PXK: variants seen among roughly 807,000 people sequenced by gnomAD.
PXK encodes the protein PX domain containing serine/threonine kinase like.
In PXK, 35 loss-of-function variants were observed where a neutral mutation model predicts 84.7. The ratio of observed to expected loss-of-function variants is 0.41; its 90% CI spans 0.32 to 0.55. PXK has a LOEUF of 0.55. Among genes scored for constraint, PXK ranks in the 20% least tolerant of loss-of-function variants. The pLI is 0.21. For missense variants in PXK, 634 were observed against 699.7 expected, an observed-to-expected ratio of 0.91 and a Z score of 1.06; for synonymous variants, 253 against 260.8, an observed-to-expected ratio of 0.97 and a Z score of 0.29.
intron 1 of PXK, among the ~76,000 whole-genome samples, chr3:58,350,521 G>A (rs1003221065): frequency 6.6e-6 from 1 of 152,202 alleles, no homozygotes; most frequent in Non-Finnish European, 1.5e-5. Flanking sequence ...GCATGTGAAA[G>A]TATTGTGTCC....
intron 17 of PXK, among the ~76,000 whole-genome samples, chr3:58,417,425 T>C (rs1349271822): frequency 6.6e-6 from 1 of 152,226 alleles, no homozygotes; most frequent in Non-Finnish European, 1.5e-5. Flanking sequence ...CTTACCCTTA[T>C]GAGCCCTTTC....
Position 58,383,225 on chromosome 3 carries a change from G to C in PXK, c.388+525G>C, listed in dbSNP as rs2098521176. Among the ~76,000 whole-genome samples the C allele has an allele frequency of 6.6e-6, 1 of 152,178 alleles. No individual in the cohort carries two copies. The highest frequency in any genetic ancestry group is 1.5e-5 in the Non-Finnish European group (1 of 68,046). ...GAGAATCGCTTGAACCCGGGAGGTG[G>C]AGGTTGCAGTGAGCCGAGATAGCAC... On this transcript the variant is annotated intron_variant, in intron 4 of 17. Coordinates refer to ENST00000356151, the MANE Select transcript of PXK (RefSeq NM_017771.5). The surrounding 1 kb of genome is among the most constrained non-coding windows in gnomAD (Gnocchi z 4.0).
At chr3:58,361,330 T>A (rs1279868943) in intron 1 of PXK, among the ~76,000 whole-genome samples, 2 of 145,114 alleles carry the variant, frequency 1.4e-5, no homozygotes, top group Non-Finnish European at 1.5e-5. Context: ...TGCAGAGAGA[T>A]CCCATATACC....
intron 3 of PXK, among the ~76,000 whole-genome samples, chr3:58,369,925 G>A (rs937197185): frequency 1.3e-5 from 2 of 151,554 alleles, no homozygotes; most frequent in African/African-American, 4.8e-5. Flanking sequence ...ACTTTATACA[G>A]ATGATGTAAA....
At position 58,348,147 on chromosome 3, in the gene PXK, C is replaced by T. The variant is rs1290876299; in HGVS notation, c.102+15057C>T. Among the ~76,000 whole-genome samples, 4 of 152,116 alleles carry T rather than the reference C, an allele frequency of 2.6e-5. No homozygotes were observed. The South Asian group carries it at 6.2e-4, about 24-fold the overall frequency. On this transcript the variant is annotated intron_variant, in intron 1 of 17. Coordinates refer to ENST00000356151, the MANE Select transcript of PXK (RefSeq NM_017771.5). ...CTGGTCTTGAACTCTGACCTCAAGT[C>T]ATCCACCTACCTCTGCCTTCCAAAG...
intron 13 of PXK, among the ~76,000 whole-genome samples, 172 bp from the exon 14 acceptor site, chr3:58,408,752 G>C (rs1184322090): frequency 6.6e-6 from 1 of 152,128 alleles, no homozygotes; most frequent in African/African-American, 2.4e-5. Context: ...TCCATCTCCT[G>C]ACCGCGTGAT....
intron 17 of PXK, among the ~76,000 whole-genome samples, chr3:58,420,360 C>T (rs1576862185): frequency 6.6e-6 from 1 of 152,196 alleles, no homozygotes; most frequent in East Asian, 1.9e-4. Flanking sequence ...GGCTCACAAT[C>T]GTGTTTACAA....
Position 58,401,585 on chromosome 3 carries a change from C to T in PXK, c.1181+2208C>T, listed in dbSNP as rs994199134. Among the ~76,000 whole-genome samples the T allele has an allele frequency of 6.6e-6, 1 of 152,076 alleles. No individual in the cohort carries two copies. Among genetic ancestry groups the T allele is most frequent in the South Asian group, 2.1e-4 (1 of 4,822 alleles). ...AGGTTGCAGTGAGCTGTGAACTCAC[C>T]ACTGCACTCCAGCCTAGATGACAGA... On this transcript the variant is annotated intron_variant, in intron 12 of 17. Transcript: ENST00000356151. The surrounding 1 kb of genome is among the most constrained non-coding windows in gnomAD (Gnocchi z 4.4).
intron 1 of PXK, among the ~76,000 whole-genome samples, chr3:58,352,281 G>A (rs1435562908): frequency 6.6e-6 from 1 of 152,206 alleles, no homozygotes; most frequent in Non-Finnish European, 1.5e-5. Flanking sequence ...GCCCAGGAGG[G>A]AGCGCTTCAG....
rs1277224725 is a variant in PXK, at chr3:58,412,839, T to C, written c.1466-62T>C. ...TCTCAGACAGCAGTGGGTCCCAGCC[T>C]GGGCCAAATTCCAAATGTCTTTCGT... On this transcript the variant is annotated intron_variant, in intron 16 of 17. Coordinates refer to ENST00000356151, the MANE Select transcript of PXK (RefSeq NM_017771.5). The surrounding 1 kb of genome is among the most constrained non-coding windows in gnomAD (Gnocchi z 6.2). The C allele has an allele frequency of 3.8e-6, 6 of 1,563,998 alleles. No homozygotes were observed. In the African/African-American group the frequency reaches 8.1e-5, roughly 21 times the overall value.
rs2062762412 is a variant in PXK at position 58,425,995 on chromosome 3, T to A, written c.*1035T>A. ...TTCATGTAATCTGTTATGTCAGCTG[T>A]ATTTTTTATTAAAATCATGTCAAGA... On this transcript the variant is annotated 3_prime_UTR_variant, in exon 18 of 18. Transcript: ENST00000356151. The A allele has an allele frequency of 6.6e-6, 1 of 152,250 alleles. No homozygotes were observed. 9.4% of individuals were successfully genotyped at this position (152,250 alleles called of 1,614,324 possible). A position where few individuals can be genotyped will look rare whatever the true frequency, so the allele number is the denominator to read the frequency against.
At chr3:58,363,556 A>G (rs2098223994) in intron 1 of PXK, among the ~76,000 whole-genome samples, 1 of 152,148 alleles carries the variant, frequency 6.6e-6, no homozygotes, top group Non-Finnish European at 1.5e-5. Context: ...TCCTGGACTC[A>G]AGCAGTCATC....
intron 1 of PXK, among the ~76,000 whole-genome samples, chr3:58,357,278 C>T (rs988825387): frequency 7.6e-6 from 1 of 131,848 alleles, no homozygotes; most frequent in African/African-American, 2.8e-5. Context: ...GACTCTGTCT[C>T]AAAAAAAAAA....
intron 17 of PXK, chr3:58,420,786 T>C (rs1576868838): frequency 7.3e-7 from 1 of 1,368,502 alleles, no homozygotes; most frequent in East Asian, 2.8e-5. Flanking sequence ...ACCTTCAAAA[T>C]CTTCATTTTC....
Position 58,333,574 on chromosome 3 carries a change from T to G in PXK, c.102+484T>G, listed in dbSNP as rs1371867628. 2.2e-6 allele frequency: 1 copy of G among 456,734 alleles called. No individual in the cohort carries two copies. Among genetic ancestry groups the G allele is most frequent in the Non-Finnish European group, 4.4e-6 (1 of 226,962 alleles). The allele number at this position is 456,734 out of a possible 1,614,324, so 28.3% of individuals were successfully genotyped here. A position where few individuals can be genotyped will look rare whatever the true frequency, so the allele number is the denominator to read the frequency against. On this transcript the variant is annotated intron_variant, in intron 1 of 17. Transcript: ENST00000356151. This position sits in a 1 kb window ranked among gnomAD's most constrained non-coding sequence, Gnocchi z 5.4. ...AATGAAGTGTGACTCCAGAGCCTAC[T>G]TGTTGGGACAGCAGAGTGTAAGTGG...
intron 1 of PXK, among the ~76,000 whole-genome samples, chr3:58,347,258 T>C (rs1221945376): frequency 1.3e-5 from 2 of 152,208 alleles, no homozygotes; most frequent in African/African-American, 4.8e-5. Flanking sequence ...TGGTCAACTT[T>C]GTTGAAGTAA....
intron 9 of PXK, 76 bp downstream of exon 9, chr3:58,395,835 T>G: frequency 8.3e-7 from 1 of 1,211,916 alleles, no homozygotes; most frequent in Non-Finnish European, 1.2e-6. Flanking sequence ...AGTTCTTAAG[T>G]AATATCCAAA....
At chr3:58,375,605 T>C (rs555034028) in intron 3 of PXK, among the ~76,000 whole-genome samples, 4 of 152,286 alleles carry the variant, frequency 2.6e-5, no homozygotes, top group Admixed American at 6.5e-5. Context: ...TGAATGGAGT[T>C]TGCACTTTCT....
At chr3:58,402,261 C>T (rs1378032927) in intron 12 of PXK, among the ~76,000 whole-genome samples, 1 of 140,500 alleles carries the variant, frequency 7.1e-6, no homozygotes, top group Non-Finnish European at 1.6e-5. Flanking sequence ...TCCCCCTCCC[C>T]CTCTCTCTCC....
Sources: gnomAD v4.1 joint callset for allele counts (sites outside exome capture counted in the v4.1 genomes callset) on GRCh38, gnomAD v4.1.1 for gene constraint, Gnocchi (gnomAD v3.1) non-coding constraint, MANE v1.5 for transcripts, NCBI Gene and HGNC (gene_info 2026-07-23, HGNC 2026-07-21) for gene names.